EDA: variants seen among roughly 807,000 people sequenced by gnomAD.
EDA encodes ectodysplasin A, also known as ectodysplasin-A.
Under a neutral mutation model 23.6 loss-of-function variants are expected in EDA, and 2 were observed. The ratio of observed to expected loss-of-function variants is 0.08; its 90% CI spans 0.03 to 0.27. The LOEUF is 0.27. Among genes scored for constraint, EDA ranks in the 10% least tolerant of loss-of-function variants. The pLI, the probability that EDA is intolerant of heterozygous loss-of-function variation, is 1.00. For synonymous variants in EDA, 131 were observed against 132.0 expected (o/e 0.99, Z 0.05); for missense variants, 229 against 324.2 (o/e 0.71, Z 2.26).
At chrX:69,788,684 G>T (rs1160560554) in intron 1 of EDA, among the ~76,000 whole-genome samples, 1 of 112,595 alleles carries the variant, frequency 8.9e-6, no homozygotes, top group East Asian at 2.8e-4. Flanking sequence ...GAGAACCACT[G>T]CTCTCTTTAA....
At chrX:69,680,616 C>A (rs1188020289) in intron 1 of EDA, among the ~76,000 whole-genome samples, 1 of 63,829 alleles carries the variant, frequency 1.6e-5, no homozygotes, top group Non-Finnish European at 2.6e-5. Flanking sequence ...GGTTTAAAGT[C>A]TGTTTTATCA....
At chrX:69,707,451 A>G (rs1249673524) in intron 1 of EDA, among the ~76,000 whole-genome samples, 2 of 111,962 alleles carry the variant, frequency 1.8e-5, no homozygotes, top group Non-Finnish European at 3.8e-5. Flanking sequence ...CTGACAGTTT[A>G]TTTTCCAATT....
intron 2 of EDA, among the ~76,000 whole-genome samples, chrX:69,995,940 T>C (rs1179139273): frequency 8.9e-6 from 1 of 111,815 alleles, no homozygotes; most frequent in Non-Finnish European, 1.9e-5. Flanking sequence ...ATCTAGGCTC[T>C]GTATCAGACC....
intron 1 of EDA, among the ~76,000 whole-genome samples, chrX:69,622,216 A>C (rs1199909818): frequency 8.9e-6 from 1 of 112,155 alleles, no homozygotes; most frequent in African/African-American, 3.2e-5. Flanking sequence ...CATATGCTTG[A>C]ATTTCTATTG....
chrX:69,882,358 T>G (rs953795555), intron 1 of EDA, among the ~76,000 whole-genome samples: 18 of 111,670 alleles, frequency 1.6e-4, no homozygotes, highest in African/African-American at 5.9e-4. Flanking sequence ...TTCCCAGAGG[T>G]CTCACTCCAG....
chrX:69,809,277 T>C (rs373861236), intron 1 of EDA, among the ~76,000 whole-genome samples: 42 of 111,188 alleles, frequency 3.8e-4, no homozygotes, highest in African/African-American at 1.2e-3. Flanking sequence ...ACAGGAAGAA[T>C]GTCTGGGAGG....
At chrX:69,941,674 A>C (rs2018759721) in intron 1 of EDA, among the ~76,000 whole-genome samples, 1 of 111,008 alleles carries the variant, frequency 9.0e-6, no homozygotes, top group African/African-American at 3.3e-5. Context: ...GTCTTTATAC[A>C]TGAAGTGCAT....
chrX:69,657,587 C>T (rs1337502337), intron 1 of EDA, among the ~76,000 whole-genome samples: 1 of 111,947 alleles, frequency 8.9e-6, no homozygotes, highest in Non-Finnish European at 1.9e-5. Flanking sequence ...AGGTTTTCTT[C>T]TAGGATTTTA....
chrX:69,776,455 A>G (rs2014787380), intron 1 of EDA, among the ~76,000 whole-genome samples: 1 of 111,616 alleles, frequency 9.0e-6, no homozygotes, highest in Non-Finnish European at 1.9e-5. Context: ...TCCCCTGAAC[A>G]AGCTGTCTTG....
intron 1 of EDA, among the ~76,000 whole-genome samples, chrX:69,679,136 G>C (rs1184529693): frequency 1.8e-5 from 2 of 109,428 alleles, no homozygotes; most frequent in African/African-American, 6.7e-5. Flanking sequence ...ATTGATTTGC[G>C]TATATTGAAC....
chrX:69,631,610 TC>T (rs890380901), intron 1 of EDA, among the ~76,000 whole-genome samples: 1 of 104,794 alleles, frequency 9.5e-6, no homozygotes, highest in African/African-American at 3.4e-5. Flanking sequence ...ACTGTGTCAT[TC>T]CCCCTGTTAA....
chrX:69,896,842 A>G (rs1005021872), intron 1 of EDA, among the ~76,000 whole-genome samples: 2 of 111,532 alleles, frequency 1.8e-5, no homozygotes, highest in East Asian at 2.8e-4. Flanking sequence ...TTTGGCAAAT[A>G]TATTAAATTA....
chrX:69,790,765 T>A (rs2015381379), intron 1 of EDA, among the ~76,000 whole-genome samples: 1 of 111,478 alleles, frequency 9.0e-6, no homozygotes, highest in Non-Finnish European at 1.9e-5. Flanking sequence ...TTAAACATAC[T>A]GCTGGTGCCA....
intron 1 of EDA, 106 bp from the exon 2 acceptor site, chrX:69,956,921 C>T (rs2019016426): frequency 3.0e-6 from 2 of 668,185 alleles, no homozygotes; most frequent in African/African-American, 4.3e-5. Flanking sequence ...GCTTTAGACA[C>T]ATCAAACTTA....
intron 1 of EDA, among the ~76,000 whole-genome samples, chrX:69,663,024 T>A (rs1308586660): frequency 8.9e-6 from 1 of 112,446 alleles, no homozygotes; most frequent in Non-Finnish European, 1.9e-5. Flanking sequence ...GGTTTGGAAT[T>A]GGAACTTATG....
intron 1 of EDA, among the ~76,000 whole-genome samples, chrX:69,673,909 T>C (rs757672413): frequency 1.4e-4 from 16 of 111,816 alleles, no homozygotes; most frequent in African/African-American, 3.6e-4. Context: ...GAATTTTCAA[T>C]CTCTGCCTCT....
intron 1 of EDA, among the ~76,000 whole-genome samples, chrX:69,842,851 G>A (rs1215361937): frequency 9.0e-6 from 1 of 111,210 alleles, no homozygotes; most frequent in African/African-American, 3.3e-5. Flanking sequence ...CCCTGCTCTG[G>A]CCACGTGAAA....
At chrX:69,955,539 CAG>C (rs1375831512) in intron 1 of EDA, among the ~76,000 whole-genome samples, 1 of 111,288 alleles carries the variant, frequency 9.0e-6, no homozygotes, top group Non-Finnish European at 1.9e-5. Context: ...TCCACTTAAT[CAG>C]AGATGGAGCA....
intron 1 of EDA, among the ~76,000 whole-genome samples, chrX:69,786,505 G>C (rs2015182695): frequency 9.2e-6 from 1 of 108,146 alleles, no homozygotes; most frequent in African/African-American, 3.4e-5. Context: ...TGTTCTCGTT[G>C]GTTTCAAAGA....
Sources: allele counts gnomAD v4.1 joint callset (sites outside exome capture counted in the v4.1 genomes callset), GRCh38; gene constraint gnomAD v4.1.1; transcripts MANE v1.5; gene names NCBI Gene and HGNC (gene_info 2026-07-23, HGNC 2026-07-21).